Variants in ERG observed in about 807,000 individuals in gnomAD.
The protein encoded by ERG is ETS transcription factor ERG.
A neutral mutation model predicts 55.3 loss-of-function variants in ERG; 9 were observed. That is an observed-to-expected ratio of 0.16 (90% confidence interval 0.10 to 0.28). The LOEUF (loss-of-function observed/expected upper bound fraction) is 0.28, where lower values mean the gene tolerates loss of function less well. Ranked by LOEUF, ERG falls within the 10% of genes least tolerant of loss-of-function variation. The pLI is 1.00. For synonymous variants in ERG, 223 were observed against 237.3 expected (o/e 0.94, Z 0.55); for missense variants, 434 against 631.6 (o/e 0.69, Z 3.35).
chr21:38,627,470 C>G (rs2060331684), intron 1 of ERG, among the ~76,000 whole-genome samples: 4 of 150,644 alleles, frequency 2.7e-5, no homozygotes, highest in Admixed American at 2.7e-4. Context: ...AAATCAACAA[C>G]CTGCTTCTTT....
In ERG at chr21:38,454,415, T is replaced by C. The variant is rs373623256; in HGVS notation, c.19-8794A>G. 2.3e-4 allele frequency among the ~76,000 whole-genome samples: 35 copies of C among 152,348 alleles called. 1 individual carries two copies. Among genetic ancestry groups the C allele is most frequent in the African/African-American group, 5.8e-4 (24 of 41,584 alleles). On this transcript the variant is annotated intron_variant, in intron 1 of 9. Transcript: ENST00000288319. The stretch of plus-strand genomic sequence containing the variant: ...GCTGAGAGCTTGCCAGAAATGCAGA[T>C]TCCGAGTCTCCAGCCCTGCTGAGTC...
At chr21:38,505,492 C>T (rs1377865193) in intron 2 of ERG, among the ~76,000 whole-genome samples, 1 of 152,170 alleles carries the variant, frequency 6.6e-6, no homozygotes, top group Non-Finnish European at 1.5e-5. Flanking sequence ...TTAAATGCAC[C>T]GACCTGAACT....
At chr21:38,541,549 A>G (rs2059752400) in intron 2 of ERG, among the ~76,000 whole-genome samples, 1 of 152,252 alleles carries the variant, frequency 6.6e-6, no homozygotes, top group East Asian at 1.9e-4. Context: ...AAAAACAATC[A>G]TAACAGGAAT....
chr21:38,373,566 T>C, the ERG span, among the ~76,000 whole-genome samples: 1 of 152,206 alleles, frequency 6.6e-6, no homozygotes, highest in African/African-American at 2.4e-5. Flanking sequence ...GTTGAAAATG[T>C]ACCTGGCTAG....
At chr21:38,537,590 T>C (rs972567684) in intron 2 of ERG, among the ~76,000 whole-genome samples, 3 of 152,164 alleles carry the variant, frequency 2.0e-5, no homozygotes, top group African/African-American at 7.2e-5. Flanking sequence ...ACATCACTAA[T>C]CATTGGGAAA....
intron 2 of ERG, among the ~76,000 whole-genome samples, chr21:38,528,390 A>C (rs1345928259): frequency 6.9e-6 from 1 of 145,692 alleles, no homozygotes; most frequent in Non-Finnish European, 1.5e-5. Context: ...GATTCAACCC[A>C]TATTAGGTTG....
intron 1 of ERG, chr21:38,472,069 T>C (rs1276004665): frequency 6.6e-6 from 1 of 152,132 alleles, no homozygotes; most frequent in Non-Finnish European, 1.5e-5. Context: ...CATTTGTTGA[T>C]TTGAGTATTA....
chr21:38,649,134 A>G (rs1196345960), intron 1 of ERG, among the ~76,000 whole-genome samples: 3 of 152,192 alleles, frequency 2.0e-5, no homozygotes, highest in Non-Finnish European at 4.4e-5. Context: ...ACTAAACACA[A>G]CAGTTTCCAA....
intron 1 of ERG, among the ~76,000 whole-genome samples, chr21:38,604,796 C>T (rs2060186904): frequency 1.3e-5 from 2 of 152,226 alleles, no homozygotes; most frequent in Admixed American, 1.3e-4. Flanking sequence ...CTGATAATGT[C>T]AGCTTGAATA....
intron 1 of ERG, chr21:38,470,797 A>G (rs1468010248): frequency 6.6e-6 from 1 of 152,238 alleles, no homozygotes; most frequent in Non-Finnish European, 1.5e-5. Context: ...GTCTATTAAC[A>G]TTGTCATACA....
chr21:38,607,608 C>T (rs930300648), intron 1 of ERG, among the ~76,000 whole-genome samples: 15 of 151,848 alleles, frequency 9.9e-5, no homozygotes, highest in Admixed American at 3.3e-4. Flanking sequence ...CACTGCACTC[C>T]AGCCTGGGCG....
chr21:38,558,468 T>C (rs1391990812), intron 2 of ERG, among the ~76,000 whole-genome samples: 1 of 152,232 alleles, frequency 6.6e-6, no homozygotes, highest in East Asian at 1.9e-4. Flanking sequence ...GCATTCTACT[T>C]TTCCAAGGAC....
chr21:38,648,708 T>C (rs1049881158), intron 1 of ERG, among the ~76,000 whole-genome samples: 1 of 152,096 alleles, frequency 6.6e-6, no homozygotes, highest in African/African-American at 2.4e-5. Context: ...GCAAATCCAC[T>C]CCGATTCCCC....
At chr21:38,524,509 A>T (rs1252344363) in intron 2 of ERG, among the ~76,000 whole-genome samples, 2 of 152,214 alleles carry the variant, frequency 1.3e-5, no homozygotes, top group African/African-American at 4.8e-5. Flanking sequence ...AGCCTCAGAC[A>T]TCCAAACCAG....
intron 2 of ERG, among the ~76,000 whole-genome samples, chr21:38,516,736 C>A (rs946141240): frequency 6.6e-6 from 1 of 151,990 alleles, no homozygotes; most frequent in South Asian, 2.1e-4. Context: ...CTCTAGTAAC[C>A]AAAAGAGCAT....
At chr21:38,529,836 G>A (rs531304648) in intron 2 of ERG, among the ~76,000 whole-genome samples, 14 of 151,888 alleles carry the variant, frequency 9.2e-5, no homozygotes, top group African/African-American at 3.1e-4. Flanking sequence ...CATGGTGGTG[G>A]GCACCTGTAG....
chr21:38,544,283 C>T (rs1006255063), intron 2 of ERG, among the ~76,000 whole-genome samples: 17 of 152,174 alleles, frequency 1.1e-4, no homozygotes, highest in Admixed American at 5.2e-4. Context: ...TGGTTAGGGC[C>T]CTCAGGCCCT....
At chr21:38,575,418 T>A (rs972753779) in intron 2 of ERG, among the ~76,000 whole-genome samples, 5 of 152,202 alleles carry the variant, frequency 3.3e-5, no homozygotes, top group African/African-American at 1.2e-4. Flanking sequence ...TAGAAATGAA[T>A]GCATGGGGCT....
At chr21:38,568,752 T>C (rs2059938623) in intron 2 of ERG, among the ~76,000 whole-genome samples, 1 of 152,176 alleles carries the variant, frequency 6.6e-6, no homozygotes, top group South Asian at 2.1e-4. Context: ...CTTCATGAGC[T>C]GGAGGACAGA....
Sources: gnomAD v4.1 joint callset for allele counts (sites outside exome capture counted in the v4.1 genomes callset) on GRCh38, gnomAD v4.1.1 for gene constraint, MANE v1.5 for transcripts, NCBI Gene and HGNC (gene_info 2026-07-23, HGNC 2026-07-21) for gene names.